GRHL3: variants seen among roughly 807,000 people sequenced by gnomAD.
GRHL3 encodes the protein grainyhead-like protein 3 homolog.
In GRHL3, 20 loss-of-function variants were observed where a neutral mutation model predicts 70.3. The observed-to-expected ratio is 0.28, with a 90% CI of 0.20 to 0.41. The LOEUF is 0.41. Among genes scored for constraint, GRHL3 ranks in the 10% least tolerant of loss-of-function variants. The pLI is 1.00. For synonymous variants in GRHL3, 299 were observed against 299.9 expected (o/e 1.00, Z 0.03); for missense variants, 637 against 762.3 (o/e 0.84, Z 1.94).
At chr1:24,351,397 C>T (rs1640500006) in intron 15 of GRHL3, among the ~76,000 whole-genome samples, 1 of 140,166 alleles carries the variant, frequency 7.1e-6, no homozygotes. Context: ...CCTGCAGCCC[C>T]TGGGAAGGGG....
At chr1:24,355,911 T>C (rs200478421), downstream of GRHL3, among the ~76,000 whole-genome samples, 2 of 133,780 alleles carry the variant, frequency 1.5e-5, no homozygotes, top group African/African-American at 2.6e-5. Context: ...TTTTTTTTTT[T>C]TTTTCTTGCG....
At chr1:24,351,182 C>T (rs1024095079) in intron 15 of GRHL3, among the ~76,000 whole-genome samples, 2 of 152,228 alleles carry the variant, frequency 1.3e-5, no homozygotes, top group African/African-American at 4.8e-5. Context: ...TGCTCAGCCA[C>T]TTGCCCCGTG....
Position 24,336,670 on chromosome 1 carries a change from C to T in GRHL3, c.455C>T (p.Pro152Leu). The change falls in exon 4 of 16, where the codon CCC becomes CTC. Residue 152 changes from proline (P) to leucine (L), a missense_variant. By Grantham distance (98) the Pro-to-Leu change is moderately conservative (BLOSUM62 -3). Around this residue, in one of 2 missense-constraint regions of GRHL3, gnomAD observed 250 missense variants for 248.6 expected, o/e 1.01. Transcript: ENST00000361548. ...PGKAAPLPAG[P>L]SKLEAGSVDS... ...AAGGCAGCTCCCCTCCCTGCAGGCC[C>T]CAGCAAGCTGGAGGCCGGCTCTGTG... 1 of 1,614,180 alleles carries T rather than the reference C, an allele frequency of 6.2e-7. No individual in the cohort carries two copies.
Position 24,321,076 on chromosome 1 carries a change from G to T in GRHL3, c.17+1508G>T, listed in dbSNP as rs1281324440. ...TGCTATTTTTCCATACTTTGAACGC[G>T]CAAAAAAATCTTGACATGTGTCTCC... On this transcript the variant is annotated intron_variant, in intron 1 of 15. Coordinates refer to ENST00000361548, the MANE Select transcript of GRHL3 (RefSeq NM_198173.3). The surrounding 1 kb of genome is among the most constrained non-coding windows in gnomAD (Gnocchi z 4.0). 6.6e-6 allele frequency among the ~76,000 whole-genome samples: 1 copy of T among 152,112 alleles called. No individual in the cohort carries two copies. The highest frequency in any genetic ancestry group is 1.5e-5 in the Non-Finnish European group (1 of 68,018).
chr1:24,331,380 C>G (rs746944198), intron 1 of GRHL3, 46 bp from the exon 2 acceptor site: 3 of 1,540,544 alleles, frequency 1.9e-6, no homozygotes, highest in Non-Finnish European at 2.6e-6. Flanking sequence ...ATTCACGGAC[C>G]TTCCTCTGGG....
In GRHL3 at chr1:24,344,894, C is replaced by A. The variant is rs1640183200; in HGVS notation, c.1420-3C>A. 1.2e-6 allele frequency: 2 copies of A among 1,613,674 alleles called. No homozygotes were observed. Among genetic ancestry groups the A allele is most frequent in the Non-Finnish European group, 1.7e-6 (2 of 1,179,734 alleles). The stretch of plus-strand genomic sequence containing the variant: ...GGAAAATGTCTTTTTCACTTCATTG[C>A]AGGCAGCCCCCTCGGCAGGACCCAG... On this transcript the variant is annotated splice_polypyrimidine_tract_variant and splice_region_variant and intron_variant, in intron 11 of 15. Coordinates refer to ENST00000361548, the MANE Select transcript of GRHL3 (RefSeq NM_198173.3).
intron 1 of GRHL3, among the ~76,000 whole-genome samples, chr1:24,329,685 T>C (rs892986670): frequency 2.6e-5 from 4 of 152,224 alleles, no homozygotes; most frequent in Non-Finnish European, 5.9e-5. Flanking sequence ...AGAACATTCA[T>C]ATGCATTATC....
In GRHL3 at chr1:24,342,366, T is replaced by G; in HGVS notation, c.1206+93T>G. On this transcript the variant is annotated intron_variant, in intron 9 of 15. Transcript: ENST00000361548. This position sits in a 1 kb window ranked among gnomAD's most constrained non-coding sequence, Gnocchi z 4.8. ...GTCCTCCTAGCTTCTCTGGGTTGTC[T>G]GTCTCTCTCTGTTTTTCTATCCCTT... The G allele has an allele frequency of 2.8e-6, 3 of 1,079,854 alleles. No individual in the cohort carries two copies. Among genetic ancestry groups the G allele is most frequent in the Non-Finnish European group, 4.0e-6 (3 of 742,214 alleles). The allele number at this position is 1,079,854 out of a possible 1,614,324, so 66.9% of individuals were successfully genotyped here.
intron 1 of GRHL3, among the ~76,000 whole-genome samples, chr1:24,329,964 C>A (rs116725303): frequency 2.6e-5 from 4 of 152,310 alleles, no homozygotes; most frequent in Non-Finnish European, 4.4e-5. Flanking sequence ...CCCAGACTAC[C>A]AGAATCAGCA....
intron 15 of GRHL3, among the ~76,000 whole-genome samples, chr1:24,363,433 C>T (rs1641252575): frequency 6.6e-6 from 1 of 152,186 alleles, no homozygotes; most frequent in African/African-American, 2.4e-5. Context: ...CCGCTGCCAG[C>T]AACAGCCATG....
intron 2 of GRHL3, among the ~76,000 whole-genome samples, chr1:24,333,606 A>T (rs1485445763): frequency 1.3e-5 from 2 of 152,210 alleles, no homozygotes; most frequent in Non-Finnish European, 2.9e-5. Flanking sequence ...GTTTGGTATT[A>T]TATGATGATC....
chr1:24,343,123 C>T (rs1207614569), intron 11 of GRHL3, 98 bp downstream of exon 11: 10 of 1,434,658 alleles, frequency 7.0e-6, no homozygotes, highest in South Asian at 5.9e-5. Flanking sequence ...GCAGCCTGCC[C>T]CTCAGCCAGT....
rs1258293931 is a variant in GRHL3, at chr1:24,334,621, A to T, written c.205-24A>T. On this transcript the variant is annotated intron_variant, in intron 2 of 15. Transcript: ENST00000361548. The surrounding 1 kb of genome is among the most constrained non-coding windows in gnomAD (Gnocchi z 4.3). ...ACCAGCAGAAGCTTAGCCATGCATA[A>T]ATCCTTCCTTTCTCTCTTCTCAGGG... 6.2e-7 allele frequency: 1 copy of T among 1,603,402 alleles called. No homozygotes were observed. The highest frequency in any genetic ancestry group is 8.5e-7 in the Non-Finnish European group (1 of 1,173,306).
Position 24,347,488 on chromosome 1 carries a change from G to C in GRHL3, c.1564G>C (p.Glu522Gln). 6.2e-7 allele frequency: 1 copy of C among 1,614,182 alleles called. No homozygotes were observed. Among genetic ancestry groups the C allele is most frequent in the Non-Finnish European group, 8.5e-7 (1 of 1,179,992 alleles). Residue 522 changes from glutamate to glutamine, a missense_variant, in exon 14 of 16, where the codon GAG becomes CAG. Glu to Gln is a conservative substitution (Grantham distance 29, BLOSUM62 2). Coordinates refer to ENST00000361548, the MANE Select transcript of GRHL3 (RefSeq NM_198173.3). ...TTCAGTTCTGCTGTATGTGCGGAGG[G>C]AGACTGAGGAGGTGTTTGACGCGCT... Reference protein sequence around the residue: ...LQRVLLYVRRETEEVFDALML... With the variant: ...LQRVLLYVRRQTEEVFDALML...
intron 12 of GRHL3, among the ~76,000 whole-genome samples, chr1:24,345,618 G>C (rs139173083): frequency 4.0e-4 from 61 of 152,270 alleles, no homozygotes; most frequent in African/African-American, 1.3e-3. Context: ...AGGCTTAGGG[G>C]ATGAAAACCC....
intron 5 of GRHL3, 60 bp from the exon 6 acceptor site, chr1:24,337,576 C>A: frequency 6.4e-7 from 1 of 1,573,324 alleles, no homozygotes; most frequent in Non-Finnish European, 8.7e-7. Context: ...GCCCCACTGC[C>A]CTCTAGGAGA....
At position 24,337,199 on chromosome 1, in the gene GRHL3, G is replaced by A. The variant is rs1396363747; in HGVS notation, c.686+48G>A. The A allele has an allele frequency of 4.3e-6, 6 of 1,391,844 alleles. No homozygotes were observed. The Admixed American group carries it at 1.0e-4, about 24-fold the overall frequency. 86.2% of individuals were successfully genotyped at this position (1,391,844 alleles called of 1,614,324 possible). A position where few individuals can be genotyped will look rare whatever the true frequency, so the allele number is the denominator to read the frequency against. On this transcript the variant is annotated intron_variant, in intron 5 of 15. Transcript: ENST00000361548. ...TCAGACACCTGGGCAGTGGGCAGGA[G>A]GCTGCAGACAGAGCCCCACACTGTC...
intron 15 of GRHL3, among the ~76,000 whole-genome samples, chr1:24,363,116 G>A (rs1641229016): frequency 6.6e-6 from 1 of 152,158 alleles, no homozygotes; most frequent in Non-Finnish European, 1.5e-5. Context: ...GTCACTCCAA[G>A]CCCAAGATTC....
intron 5 of GRHL3, chr1:24,337,425 T>C (rs1005557314): frequency 9.1e-5 from 55 of 607,106 alleles, no homozygotes; most frequent in Admixed American, 1.9e-4. Context: ...CTAATTTTCA[T>C]TGGGCCCTCA....
Sources: gnomAD v4.1 joint callset for allele counts (sites outside exome capture counted in the v4.1 genomes callset) on GRCh38, gnomAD v4.1.1 for gene constraint, gnomAD v4.1.1 regional missense constraint, Gnocchi (gnomAD v3.1) non-coding constraint, MANE v1.5 for transcripts, NCBI Gene and HGNC (gene_info 2026-07-23, HGNC 2026-07-21) for gene names.